IQCM: variants seen among roughly 807,000 people sequenced by gnomAD.
IQCM encodes IQ domain-containing protein M.
A neutral mutation model predicts 57.6 loss-of-function variants in IQCM; 45 were observed. That is an observed-to-expected ratio of 0.78 (90% CI 0.62 to 1.00). The LOEUF is 1.00. IQCM is among the 50% of genes least tolerant of loss of function. The pLI is 0.00. For missense variants in IQCM, 468 were observed against 511.6 expected (o/e 0.91, Z 0.82); for synonymous variants, 148 against 158.9 (o/e 0.93, Z 0.51).
At chr4:149,566,245 C>A (rs1038159820) in intron 9 of IQCM, among the ~76,000 whole-genome samples, 32 of 152,124 alleles carry the variant, frequency 2.1e-4, no homozygotes, top group African/African-American at 6.8e-4. Flanking sequence ...GAGTTGACAT[C>A]TTTTTCTCAT....
chr4:149,391,313 C>G (rs1731837657), intron 13 of IQCM, among the ~76,000 whole-genome samples: 1 of 151,724 alleles, frequency 6.6e-6, no homozygotes, highest in Non-Finnish European at 1.5e-5. Context: ...TTTTATTATT[C>G]TTGCATCTAT....
At chr4:149,532,628 C>T (rs1746868899) in intron 12 of IQCM, among the ~76,000 whole-genome samples, 2 of 150,944 alleles carry the variant, frequency 1.3e-5, no homozygotes, top group African/African-American at 2.4e-5. Flanking sequence ...TCCTACACTA[C>T]TAATTTTAAA....
At chr4:149,509,969 T>C (rs1560931440) in intron 12 of IQCM, among the ~76,000 whole-genome samples, 1 of 152,188 alleles carries the variant, frequency 6.6e-6, no homozygotes, top group Non-Finnish European at 1.5e-5. Flanking sequence ...CCTTATTTTA[T>C]GCTAACTTTT....
At chr4:149,813,474 A>G (rs1292735951) in intron 2 of IQCM, among the ~76,000 whole-genome samples, 1 of 152,090 alleles carries the variant, frequency 6.6e-6, no homozygotes, top group African/African-American at 2.4e-5. Context: ...CTCAATCTTA[A>G]GTCAGTGACA....
intron 7 of IQCM, among the ~76,000 whole-genome samples, chr4:149,623,718 GGT>G (rs3057342): frequency 0.013 from 1,939 of 144,848 alleles, 10 homozygotes; most frequent in East Asian, 0.027. Flanking sequence ...CTGAATCCCA[GGT>G]GTGTGTGTGT....
intron 12 of IQCM, among the ~76,000 whole-genome samples, chr4:149,540,182 C>G (rs1747709483): frequency 6.6e-6 from 1 of 151,438 alleles, no homozygotes; most frequent in East Asian, 2.0e-4. Context: ...ACAAAACAAG[C>G]CCAGAAAAGA....
chr4:149,368,834 A>G lies in IQCM; in HGVS notation c.1391-16768T>C, dbSNP rs1411153585. Among the ~76,000 whole-genome samples the G allele has an allele frequency of 1.4e-3, 111 of 81,672 alleles. 22 individuals are homozygous for G. Among genetic ancestry groups the G allele is most frequent in the Non-Finnish European group, 2.0e-3 (80 of 40,818 alleles). The allele number at this position is 81,672 out of a possible 152,430, so 53.6% of individuals were successfully genotyped here. A position where few individuals can be genotyped will look rare whatever the true frequency, so the allele number is the denominator to read the frequency against. ...TATATATATACATATATATACATGT[A>G]TATATATACATATATATACATGTAT... On this transcript the variant is annotated intron_variant, in intron 13 of 13. Coordinates refer to ENST00000636793, the MANE Select transcript of IQCM (RefSeq NM_001363507.2).
At chr4:149,394,113 AAT>A (rs979761556) in intron 13 of IQCM, among the ~76,000 whole-genome samples, 2 of 152,032 alleles carry the variant, frequency 1.3e-5, no homozygotes, top group African/African-American at 4.8e-5. Flanking sequence ...ATTTAAACAT[AAT>A]GTCTTTTTAT....
At chr4:149,655,058 T>G (rs559506019) in intron 7 of IQCM, among the ~76,000 whole-genome samples, 1 of 152,278 alleles carries the variant, frequency 6.6e-6, no homozygotes, top group Admixed American at 6.6e-5. Flanking sequence ...ACACCACTGG[T>G]CTAAAGATGC....
At chr4:149,553,613 A>G (rs1352266548) in intron 10 of IQCM, among the ~76,000 whole-genome samples, 1 of 152,198 alleles carries the variant, frequency 6.6e-6, no homozygotes, top group Admixed American at 6.5e-5. Flanking sequence ...ATGTAGTCTT[A>G]TTAAGGTATT....
At chr4:149,364,965 A>G (rs1452620098) in intron 13 of IQCM, among the ~76,000 whole-genome samples, 2 of 152,016 alleles carry the variant, frequency 1.3e-5, no homozygotes, top group Admixed American at 6.6e-5. Flanking sequence ...ATGGATACAG[A>G]TGGATTATAT....
At chr4:149,485,804 T>C (rs1441687567) in intron 12 of IQCM, among the ~76,000 whole-genome samples, 1 of 152,102 alleles carries the variant, frequency 6.6e-6, no homozygotes, top group African/African-American at 2.4e-5. Context: ...AAGAGTTGGG[T>C]ATCTATTGTA....
intron 13 of IQCM, among the ~76,000 whole-genome samples, chr4:149,409,771 C>T (rs542254051): frequency 2.0e-5 from 3 of 152,254 alleles, no homozygotes; most frequent in South Asian, 2.1e-4. Context: ...GCAAAAGCCT[C>T]GGTAGTGAAG....
intron 13 of IQCM, among the ~76,000 whole-genome samples, chr4:149,388,091 T>C (rs1731550029): frequency 6.6e-6 from 1 of 152,078 alleles, no homozygotes; most frequent in African/African-American, 2.4e-5. Context: ...CTTCAGTTGA[T>C]GGACATTAGG....
In IQCM at chr4:149,518,162, A is replaced by G. The variant is rs79297171; in HGVS notation, c.1228+30293T>C. ...ATGAAAAAAGTACATTTCACCTACC[A>G]TGAGGCTAAAGCTAGTTATATGGCC... On this transcript the variant is annotated intron_variant, in intron 12 of 13. Coordinates refer to ENST00000636793, the MANE Select transcript of IQCM (RefSeq NM_001363507.2). 5.5e-4 allele frequency among the ~76,000 whole-genome samples: 84 copies of G among 152,294 alleles called. 1 individual carries two copies. In the East Asian group the frequency reaches 0.016, roughly 28 times the overall value.
rs185355454 is a variant in IQCM at position 149,572,287 on chromosome 4, T to A, written c.750-8397A>T. Among the ~76,000 whole-genome samples, 8 of 151,964 alleles carry A rather than the reference T, an allele frequency of 5.3e-5. No homozygotes were observed. The East Asian group carries it at 1.6e-3, about 30-fold the overall frequency. Reference sequence around the variant, plus strand: ...TATTTTCCTTTTATTAATATATTTTTATTTTTATTTTATTTTAGAAACAGA... The same window carrying A: ...TATTTTCCTTTTATTAATATATTTTAATTTTTATTTTATTTTAGAAACAGA... On this transcript the variant is annotated intron_variant, in intron 9 of 13. Transcript: ENST00000636793.
chr4:149,481,410 T>A (rs1740755318), intron 12 of IQCM, among the ~76,000 whole-genome samples: 1 of 152,140 alleles, frequency 6.6e-6, no homozygotes, highest in South Asian at 2.1e-4. Context: ...AAGTCTTTAA[T>A]CTATCTAGAT....
chr4:149,545,972 C>A (rs1748369918), intron 12 of IQCM, among the ~76,000 whole-genome samples: 1 of 152,154 alleles, frequency 6.6e-6, no homozygotes, highest in Non-Finnish European at 1.5e-5. Flanking sequence ...TCCCCACTCC[C>A]CCGACCCCAC....
intron 13 of IQCM, among the ~76,000 whole-genome samples, chr4:149,352,558 A>C (rs544080654): frequency 6.6e-6 from 1 of 152,186 alleles, no homozygotes; most frequent in Non-Finnish European, 1.5e-5. Context: ...TTATATGCAA[A>C]TACTACCCCA....
Sources: gnomAD v4.1 joint callset for allele counts (sites outside exome capture counted in the v4.1 genomes callset) on GRCh38, gnomAD v4.1.1 for gene constraint, MANE v1.5 for transcripts, NCBI Gene and HGNC (gene_info 2026-07-23, HGNC 2026-07-21) for gene names.